Variants in CCSER1 observed in about 807,000 individuals in gnomAD.
CCSER1 encodes the protein coiled-coil serine rich protein 1, also known as serine-rich coiled-coil domain-containing protein 1.
CCSER1 carries 41 observed loss-of-function variants against 82.0 expected under a neutral mutation model. The observed-to-expected ratio is 0.50, with a 90% CI of 0.39 to 0.65. The LOEUF is 0.65. Among genes scored for constraint, CCSER1 ranks in the 30% least tolerant of loss-of-function variants. The pLI is 0.00. For synonymous variants in CCSER1, 414 were observed against 383.9 expected, an observed-to-expected ratio of 1.08 and a Z score of -0.92; for missense variants, 1,119 against 1,064.2, an observed-to-expected ratio of 1.05 and a Z score of -0.72.
intron 1 of CCSER1, among the ~76,000 whole-genome samples, chr4:90,215,314 G>A (rs1352395456): frequency 6.6e-6 from 1 of 152,196 alleles, no homozygotes; most frequent in Non-Finnish European, 1.5e-5. Flanking sequence ...GGTTTTCAAA[G>A]TGTCTTTCAC....
chr4:90,929,840 G>GTAT (rs1327867017), intron 9 of CCSER1, among the ~76,000 whole-genome samples: 1 of 152,106 alleles, frequency 6.6e-6, no homozygotes, highest in Non-Finnish European at 1.5e-5. Flanking sequence ...TAATGATAAT[G>GTAT]TATTATGTAT....
chr4:90,697,071 G>T (rs1467068216), intron 6 of CCSER1, among the ~76,000 whole-genome samples: 1 of 152,176 alleles, frequency 6.6e-6, no homozygotes, highest in Non-Finnish European at 1.5e-5. Context: ...AAAGAGCTAT[G>T]AGACTGTGGC....
intron 3 of CCSER1, among the ~76,000 whole-genome samples, chr4:90,331,380 G>T (rs1739249674): frequency 6.6e-6 from 1 of 152,138 alleles, no homozygotes; most frequent in East Asian, 1.9e-4. Context: ...TGCCCGTTAT[G>T]CATTAGGTAC....
chr4:90,593,276 C>A (rs1013388028), intron 5 of CCSER1, among the ~76,000 whole-genome samples: 1 of 151,970 alleles, frequency 6.6e-6, no homozygotes, highest in African/African-American at 2.4e-5. Context: ...CTAATGCCAC[C>A]AGTTAAATCA....
rs1350032691 is a variant in CCSER1 at position 91,533,915 on chromosome 4, T to C, written c.2218-64657T>C. 2.0e-5 allele frequency among the ~76,000 whole-genome samples: 3 copies of C among 152,160 alleles called. No homozygotes were observed. In the East Asian group the frequency reaches 5.8e-4, roughly 29 times the overall value. On this transcript the variant is annotated intron_variant, in intron 10 of 10. Coordinates refer to ENST00000509176, the MANE Select transcript of CCSER1 (RefSeq NM_001145065.2). ...GTATAAGATATGTAGCTTCTTTCTC[T>C]GCTTCTTGCAGGAATATGCCTAAAC...
intron 10 of CCSER1, among the ~76,000 whole-genome samples, chr4:91,455,568 T>G (rs2149424486): frequency 6.6e-6 from 1 of 151,960 alleles, no homozygotes; most frequent in East Asian, 1.9e-4. Flanking sequence ...CTTCTTGGAC[T>G]TCCCAGCCTC....
chr4:90,129,259 C>A (rs925029341), intron 1 of CCSER1, among the ~76,000 whole-genome samples: 14 of 151,998 alleles, frequency 9.2e-5, no homozygotes, highest in Non-Finnish European at 1.8e-4. Context: ...TCAGTTATCA[C>A]TGGTTCCTTC....
intron 1 of CCSER1, among the ~76,000 whole-genome samples, chr4:90,168,504 C>A (rs1730961483): frequency 6.6e-6 from 1 of 152,176 alleles, no homozygotes; most frequent in Admixed American, 6.5e-5. Flanking sequence ...TCCATTTTAG[C>A]TTTTGTTACC....
At chr4:91,408,310 A>G (rs1040466746) in intron 10 of CCSER1, among the ~76,000 whole-genome samples, 36 of 152,370 alleles carry the variant, frequency 2.4e-4, no homozygotes, top group African/African-American at 8.2e-4. Context: ...GAAATTAAGA[A>G]CAATTTTCAC....
chr4:90,230,226 G>A (rs1052375301), intron 1 of CCSER1, among the ~76,000 whole-genome samples: 37 of 152,002 alleles, frequency 2.4e-4, no homozygotes, highest in Middle Eastern at 3.4e-3. Flanking sequence ...TGGAAGTAAA[G>A]CTCTCCTCAG....
At chr4:91,444,440 A>T (rs1041499935) in intron 10 of CCSER1, among the ~76,000 whole-genome samples, 5 of 126,686 alleles carry the variant, frequency 3.9e-5, no homozygotes, top group Non-Finnish European at 6.5e-5. Context: ...CATTTTTTTT[A>T]AAGTGCCAAT....
intron 7 of CCSER1, among the ~76,000 whole-genome samples, chr4:90,739,139 ACTGCTCATTATTTAGAGCCCAAGGG>A: frequency 6.6e-6 from 1 of 152,310 alleles, no homozygotes; most frequent in East Asian, 1.9e-4. Flanking sequence ...CCTGCCTGCT[ACTGCTCATTATTTAGAGCCCAAGGG>A]CTGTTTAGTC....
chr4:91,423,791 T>C (rs1428961906), intron 10 of CCSER1, among the ~76,000 whole-genome samples: 2 of 151,982 alleles, frequency 1.3e-5, no homozygotes, highest in South Asian at 2.1e-4. Flanking sequence ...AGATAATATA[T>C]ACAAATCAAC....
chr4:90,682,043 A>G lies in CCSER1; in HGVS notation c.1933-41871A>G, dbSNP rs78658733. On this transcript the variant is annotated intron_variant, in intron 6 of 10. Transcript: ENST00000509176. ...TTTTTTTATGTTTCTATATTTTGCTAAACTACAAGTGCTTGCTGTTGAGCA... is the reference window on the plus strand; with the variant it reads ...TTTTTTTATGTTTCTATATTTTGCTGAACTACAAGTGCTTGCTGTTGAGCA... Among the ~76,000 whole-genome samples the G allele has an allele frequency of 5.9e-4, 90 of 152,016 alleles. 1 individual carries two copies. The East Asian group carries it at 0.014, about 24-fold the overall frequency.
intron 10 of CCSER1, among the ~76,000 whole-genome samples, chr4:91,548,835 C>T (rs1008854579): frequency 3.3e-5 from 5 of 151,874 alleles, no homozygotes; most frequent in Admixed American, 2.0e-4. Flanking sequence ...TATGCCTAAG[C>T]GTCATTTTCT....
intron 10 of CCSER1, among the ~76,000 whole-genome samples, chr4:91,143,538 G>C (rs1274201658): frequency 6.6e-6 from 1 of 151,946 alleles, no homozygotes; most frequent in Admixed American, 6.6e-5. Flanking sequence ...GATGTGAGTG[G>C]GCATCTTTGT....
At chr4:91,525,550 G>A (rs1185716297) in intron 10 of CCSER1, among the ~76,000 whole-genome samples, 2 of 152,110 alleles carry the variant, frequency 1.3e-5, no homozygotes, top group African/African-American at 4.8e-5. Flanking sequence ...TGGAGAGAGT[G>A]TACACTATGT....
chr4:91,153,347 G>C (rs757043517), intron 10 of CCSER1, among the ~76,000 whole-genome samples: 7 of 151,858 alleles, frequency 4.6e-5, no homozygotes, highest in Non-Finnish European at 1.0e-4. Context: ...TCATGCCATG[G>C]TTTTCAGCTC....
chr4:91,370,659 G>A (rs1397287500), intron 10 of CCSER1, among the ~76,000 whole-genome samples: 4 of 151,654 alleles, frequency 2.6e-5, no homozygotes, highest in Non-Finnish European at 5.9e-5. Flanking sequence ...TCATGCCATT[G>A]CACTCCAGCC....
Sources: gnomAD v4.1 joint callset for allele counts (sites outside exome capture counted in the v4.1 genomes callset) on GRCh38, gnomAD v4.1.1 for gene constraint, MANE v1.5 for transcripts, NCBI Gene and HGNC (gene_info 2026-07-23, HGNC 2026-07-21) for gene names.